Variants in ADCY8 observed in about 807,000 individuals in gnomAD.
ADCY8 encodes the protein adenylate cyclase type 8.
A neutral mutation model predicts 119.7 loss-of-function variants in ADCY8; 51 were observed. The ratio of observed to expected loss-of-function variants is 0.43; its 90% CI spans 0.34 to 0.54. ADCY8 has a LOEUF of 0.54. ADCY8 is among the 20% of genes least tolerant of loss of function. The probability of loss-of-function intolerance (pLI) is 0.03; values close to 1 mark genes in which losing one functional copy is unlikely to be tolerated. For missense variants in ADCY8, 1,383 were observed against 1,598.8 expected (o/e 0.87, Z 2.30); for synonymous variants, 665 against 651.0 (o/e 1.02, Z -0.33).
intron 3 of ADCY8, chr8:130,949,675 C>T (rs528427464): frequency 6.6e-6 from 1 of 152,294 alleles, no homozygotes; most frequent in Admixed American, 6.5e-5. Context: ...ATCATCTCTT[C>T]CAGGAAGGTT....
At chr8:130,846,737 T>C (rs145655338) in intron 11 of ADCY8, among the ~76,000 whole-genome samples, 4,301 of 128,606 alleles carry the variant, frequency 0.033, 242 homozygotes, top group African/African-American at 0.096. Context: ...CTTCCTTCCT[T>C]CCCCTTCCTA....
At chr8:130,927,436 G>C (rs147753354) in intron 5 of ADCY8, among the ~76,000 whole-genome samples, 2 of 152,024 alleles carry the variant, frequency 1.3e-5, no homozygotes, top group Non-Finnish European at 2.9e-5. Context: ...TTTAAAATCA[G>C]GTGATTGATT....
chr8:131,014,079 A>G lies in ADCY8; in HGVS notation c.961-23537T>C, dbSNP rs140499358. 4.3e-3 allele frequency among the ~76,000 whole-genome samples: 660 copies of G among 152,330 alleles called. 3 individuals carry two copies. Among genetic ancestry groups the G allele is most frequent in the African/African-American group, 0.015 (636 of 41,590 alleles). On this transcript the variant is annotated intron_variant, in intron 1 of 17. Coordinates refer to ENST00000286355, the MANE Select transcript of ADCY8 (RefSeq NM_001115.3). ...CAACTGTATTATTTTACAAGCTGAG[A>G]CCAATCAAGTGGTCTCCCAATACTC...
intron 3 of ADCY8, among the ~76,000 whole-genome samples, chr8:130,946,436 C>A (rs957190760): frequency 7.2e-5 from 11 of 152,136 alleles, no homozygotes; most frequent in African/African-American, 2.7e-4. Context: ...ATTTTTCCCC[C>A]TTTTGCTACC....
At chr8:130,849,508 C>T (rs554308126) in intron 10 of ADCY8, 94 bp downstream of exon 10, 1 of 1,323,304 alleles carries the variant, frequency 7.6e-7, no homozygotes, top group Non-Finnish European at 1.1e-6. Flanking sequence ...TAACTGGTAC[C>T]AAGGAAGGGT....
chr8:130,855,228 A>T (rs1318438642), intron 9 of ADCY8, among the ~76,000 whole-genome samples: 4 of 152,012 alleles, frequency 2.6e-5, no homozygotes, highest in African/African-American at 9.7e-5. Flanking sequence ...TGACAGAAGA[A>T]ATGCGAGTGA....
intron 7 of ADCY8, among the ~76,000 whole-genome samples, chr8:130,899,981 A>G (rs946960664): frequency 1.3e-5 from 2 of 152,168 alleles, no homozygotes; most frequent in African/African-American, 2.4e-5. Context: ...TTAAGTTCCA[A>G]TAGTCCACCT....
chr8:130,968,805 G>C (rs189534169), intron 2 of ADCY8, among the ~76,000 whole-genome samples: 60 of 152,300 alleles, frequency 3.9e-4, no homozygotes, highest in African/African-American at 1.3e-3. Flanking sequence ...GAGGTCTCCT[G>C]AAAGGTATTT....
intron 9 of ADCY8, among the ~76,000 whole-genome samples, chr8:130,858,350 T>C (rs1021364559): frequency 1.3e-5 from 2 of 152,222 alleles, no homozygotes; most frequent in African/African-American, 4.8e-5. Flanking sequence ...TGTGACATTT[T>C]CTCAGACTTC....
At chr8:131,037,779 G>T (rs1824208755) in intron 1 of ADCY8, among the ~76,000 whole-genome samples, 2 of 152,162 alleles carry the variant, frequency 1.3e-5, no homozygotes, top group Admixed American at 6.5e-5. Flanking sequence ...AGATGTACTG[G>T]CATGTAGATC....
chr8:130,874,261 T>A (rs1321383172), intron 8 of ADCY8, among the ~76,000 whole-genome samples: 6 of 151,838 alleles, frequency 4.0e-5, no homozygotes, highest in Non-Finnish European at 5.9e-5. Context: ...TGAGCCGAGA[T>A]GGCACCACTG....
At chr8:130,806,013 G>T (rs952717960) in intron 14 of ADCY8, among the ~76,000 whole-genome samples, 1 of 152,182 alleles carries the variant, frequency 6.6e-6, no homozygotes, top group African/African-American at 2.4e-5. Flanking sequence ...ATAAGAGAGG[G>T]AGAGACTCCC....
chr8:130,942,604 A>G (rs1820989133), intron 4 of ADCY8, among the ~76,000 whole-genome samples: 1 of 152,166 alleles, frequency 6.6e-6, no homozygotes, highest in Non-Finnish European at 1.5e-5. Flanking sequence ...TGATGCTCTA[A>G]AAATGAACTC....
rs201870639 is a variant in ADCY8 at position 130,847,498 on chromosome 8, C to G, written c.2428G>C (p.Asp810His). The G allele has an allele frequency of 5.4e-5, 83 of 1,541,386 alleles. No homozygotes were observed. The highest frequency in any genetic ancestry group is 3.4e-4 in the Middle Eastern group (2 of 5,822). Residue 810 changes from aspartate (D) to histidine (H), a missense_variant, in exon 11 of 18, where the codon GAC becomes CAC. Coordinates refer to ENST00000286355, the MANE Select transcript of ADCY8 (RefSeq NM_001115.3). ...AGGTTCTTCAAGGGTATCGACTTGT[C>G]AAAATCACACCACAGCTGCGGATTA... Reference protein sequence around the residue: ...AILNILWCDFDKSIPLKNLTF... With the variant: ...AILNILWCDFHKSIPLKNLTF...
chr8:130,832,288 TG>T (rs1418530807), intron 12 of ADCY8, among the ~76,000 whole-genome samples: 1 of 152,154 alleles, frequency 6.6e-6, no homozygotes, highest in Non-Finnish European at 1.5e-5. Flanking sequence ...ACGAGCAGAT[TG>T]GGAGATGTCA....
chr8:131,034,687 TAC>T (rs145160431), intron 1 of ADCY8, among the ~76,000 whole-genome samples: 2,102 of 152,270 alleles, frequency 0.014, 33 homozygotes, highest in African/African-American at 0.029. Context: ...CCTTTGATTG[TAC>T]AGTTATCTTG....
At chr8:130,960,954 G>A (rs1013811921) in intron 2 of ADCY8, among the ~76,000 whole-genome samples, 24 of 152,156 alleles carry the variant, frequency 1.6e-4, no homozygotes, top group Non-Finnish European at 1.5e-4. Flanking sequence ...GCCACTTACC[G>A]AATTTAAACC....
At chr8:130,953,651 C>G (rs200228544) in intron 2 of ADCY8, among the ~76,000 whole-genome samples, 1 of 152,130 alleles carries the variant, frequency 6.6e-6, no homozygotes, top group East Asian at 1.9e-4. Context: ...CTTTCTGTGC[C>G]TTAGTTCCCT....
intron 4 of ADCY8, among the ~76,000 whole-genome samples, chr8:130,942,079 A>C (rs1820973307): frequency 6.6e-6 from 1 of 152,070 alleles, no homozygotes; most frequent in Admixed American, 6.6e-5. Flanking sequence ...TGCTTACTCC[A>C]TTCCCAGCCC....
Sources: gnomAD v4.1 joint callset for allele counts (sites outside exome capture counted in the v4.1 genomes callset) on GRCh38, gnomAD v4.1.1 for gene constraint, MANE v1.5 for transcripts, NCBI Gene and HGNC (gene_info 2026-07-23, HGNC 2026-07-21) for gene names.